Variants in NTNG1 observed in about 807,000 individuals in gnomAD.
The protein encoded by NTNG1 is netrin-G1.
Under a neutral mutation model 54.0 loss-of-function variants are expected in NTNG1, and 16 were observed. That is an observed-to-expected ratio of 0.30 (90% CI 0.20 to 0.45). The LOEUF (loss-of-function observed/expected upper bound fraction) is 0.45, where lower values mean the gene tolerates loss of function less well. Ranked by LOEUF, NTNG1 falls within the 20% of genes least tolerant of loss-of-function variation. NTNG1 has a pLI of 1.00. For missense variants in NTNG1, 530 were observed against 678.7 expected (o/e 0.78, Z 2.43); for synonymous variants, 255 against 263.1 (o/e 0.97, Z 0.30).
At chr1:107,225,462 A>G (rs544649675) in intron 2 of NTNG1, among the ~76,000 whole-genome samples, 7 of 152,292 alleles carry the variant, frequency 4.6e-5, no homozygotes, top group Non-Finnish European at 8.8e-5. Flanking sequence ...AGTTCAGACA[A>G]CATGGATTGG....
At chr1:107,144,544 T>C (rs987783620) in intron 1 of NTNG1, among the ~76,000 whole-genome samples, 1 of 152,142 alleles carries the variant, frequency 6.6e-6, no homozygotes, top group Non-Finnish European at 1.5e-5. Context: ...GCCTGTAATA[T>C]TAACCATTAT....
intron 2 of NTNG1, among the ~76,000 whole-genome samples, chr1:107,149,763 G>GT (rs1654419450): frequency 1.3e-5 from 2 of 151,306 alleles, no homozygotes; most frequent in Non-Finnish European, 1.5e-5. Flanking sequence ...GAGTTCATTT[G>GT]GTTTTTTTTT....
At chr1:107,158,431 C>T (rs1332708132) in intron 2 of NTNG1, among the ~76,000 whole-genome samples, 1 of 152,036 alleles carries the variant, frequency 6.6e-6, no homozygotes, top group Non-Finnish European at 1.5e-5. Flanking sequence ...TCTCTTTGAC[C>T]TGCTTTGAAG....
At position 107,371,414 on chromosome 1, in the gene NTNG1, G is replaced by T. The variant is rs575535253; in HGVS notation, c.888-23740G>T. Among the ~76,000 whole-genome samples, 13 of 151,952 alleles carry T rather than the reference G, an allele frequency of 8.6e-5. No individual in the cohort carries two copies. The South Asian group carries it at 2.5e-3, about 29-fold the overall frequency. On this transcript the variant is annotated intron_variant, in intron 3 of 7. Transcript: ENST00000370068. ...ACATCTATGTTTATAAGGGTTATTG[G>T]CCTATACATGATAGATTCTATAGCT...
At chr1:107,329,986 A>G (rs960128460) in intron 3 of NTNG1, among the ~76,000 whole-genome samples, 3 of 152,144 alleles carry the variant, frequency 2.0e-5, no homozygotes, top group Non-Finnish European at 4.4e-5. Flanking sequence ...AGAAGCTACT[A>G]ATGTAATCTG....
chr1:107,155,044 A>G (rs1006631254), intron 2 of NTNG1, among the ~76,000 whole-genome samples: 10 of 152,120 alleles, frequency 6.6e-5, no homozygotes, highest in Non-Finnish European at 1.5e-4. Flanking sequence ...AATCTAGAGG[A>G]TCATCACTTG....
intron 2 of NTNG1, among the ~76,000 whole-genome samples, chr1:107,290,799 T>G (rs1214279050): frequency 6.6e-6 from 1 of 151,202 alleles, no homozygotes; most frequent in Non-Finnish European, 1.5e-5. Context: ...ACAATAATAA[T>G]AAGATTGAGG....
chr1:107,316,796 T>A (rs969202812), intron 2 of NTNG1, among the ~76,000 whole-genome samples: 29 of 152,174 alleles, frequency 1.9e-4, no homozygotes, highest in African/African-American at 6.8e-4. Flanking sequence ...CACACTAAAC[T>A]GCAAATACCT....
intron 2 of NTNG1, among the ~76,000 whole-genome samples, chr1:107,159,754 C>T (rs1273057116): frequency 6.6e-6 from 1 of 152,096 alleles, no homozygotes; most frequent in Admixed American, 6.5e-5. Flanking sequence ...TTTAAAAAGC[C>T]TTTCATCTGA....
chr1:107,441,606 A>G (rs761361301), intron 7 of NTNG1, among the ~76,000 whole-genome samples: 3 of 152,112 alleles, frequency 2.0e-5, no homozygotes, highest in Non-Finnish European at 2.9e-5. Flanking sequence ...GGGCCCACAC[A>G]TGTAATCTAG....
intron 2 of NTNG1, among the ~76,000 whole-genome samples, chr1:107,244,850 G>A (rs976759980): frequency 2.6e-5 from 4 of 152,200 alleles, no homozygotes; most frequent in African/African-American, 9.7e-5. Context: ...GGAGAATTTA[G>A]CTGTCACTTT....
chr1:107,236,624 T>A lies in NTNG1; in HGVS notation c.247-87658T>A, dbSNP rs867174996. Among the ~76,000 whole-genome samples the A allele has an allele frequency of 7.2e-5, 11 of 152,358 alleles. 1 individual carries two copies. In the South Asian group the frequency reaches 2.1e-3, roughly 29 times the overall value. ...GTCCCCACCCAGATCTCATCTTCAATTCCCATGTGTTGTGGGAAGGACTCA... is the reference window on the plus strand; with the variant it reads ...GTCCCCACCCAGATCTCATCTTCAAATCCCATGTGTTGTGGGAAGGACTCA... On this transcript the variant is annotated intron_variant, in intron 2 of 7. Coordinates refer to ENST00000370068, the MANE Select transcript of NTNG1 (RefSeq NM_001113226.3).
At chr1:107,437,765 T>C (rs1256656256) in intron 7 of NTNG1, among the ~76,000 whole-genome samples, 1 of 152,164 alleles carries the variant, frequency 6.6e-6, no homozygotes, top group African/African-American at 2.4e-5. Flanking sequence ...AATATCAAAA[T>C]TATTAAGGCT....
chr1:107,173,060 C>T (rs1035036292), intron 2 of NTNG1, among the ~76,000 whole-genome samples: 5 of 152,118 alleles, frequency 3.3e-5, no homozygotes, highest in Admixed American at 2.0e-4. Flanking sequence ...TTAACTGGTC[C>T]ACGAGAACAT....
intron 2 of NTNG1, among the ~76,000 whole-genome samples, chr1:107,306,890 T>C (rs1666727873): frequency 6.6e-6 from 1 of 152,238 alleles, no homozygotes; most frequent in Admixed American, 6.5e-5. Context: ...ATAGTCTTCA[T>C]TGTATACCTG....
chr1:107,190,480 G>C (rs1251152925), intron 2 of NTNG1, among the ~76,000 whole-genome samples: 1 of 152,006 alleles, frequency 6.6e-6, no homozygotes, highest in Non-Finnish European at 1.5e-5. Flanking sequence ...ACAACGTGCA[G>C]GTTTGTTACA....
chr1:107,177,576 G>T (rs1355655533), intron 2 of NTNG1, among the ~76,000 whole-genome samples: 3 of 151,946 alleles, frequency 2.0e-5, no homozygotes, highest in South Asian at 4.1e-4. Flanking sequence ...CTGGTGATCC[G>T]CCTGCCTCAG....
intron 3 of NTNG1, among the ~76,000 whole-genome samples, chr1:107,355,817 C>A (rs548407049): frequency 6.6e-4 from 101 of 152,212 alleles, no homozygotes; most frequent in Non-Finnish European, 6.2e-4. Flanking sequence ...CCACCGCCAC[C>A]CTCAAACTCT....
At chr1:107,192,270 A>G (rs993000787) in intron 2 of NTNG1, among the ~76,000 whole-genome samples, 2 of 151,832 alleles carry the variant, frequency 1.3e-5, no homozygotes, top group African/African-American at 4.8e-5. Flanking sequence ...CTTACACTCT[A>G]CTTGCTCTGT....
Sources: gnomAD v4.1 joint callset for allele counts (sites outside exome capture counted in the v4.1 genomes callset) on GRCh38, gnomAD v4.1.1 for gene constraint, MANE v1.5 for transcripts, NCBI Gene and HGNC (gene_info 2026-07-23, HGNC 2026-07-21) for gene names.